The following HECTD4 variants were observed in gnomAD, a reference collection of about 807,000 sequenced individuals.
HECTD4 encodes probable E3 ubiquitin-protein ligase HECTD4.
Under a neutral mutation model 471.5 loss-of-function variants are expected in HECTD4, and 114 were observed. The ratio of observed to expected loss-of-function variants is 0.24; its 90% confidence interval spans 0.21 to 0.28. The LOEUF (loss-of-function observed/expected upper bound fraction) is 0.28. HECTD4 is among the 10% of genes least tolerant of loss of function. The pLI, the probability that HECTD4 is intolerant of heterozygous loss-of-function variation, is 1.00. For missense variants in HECTD4, 3,866 were observed against 5,651.5 expected (o/e 0.68, Z 10.13); for synonymous variants, 2,012 against 2,256.0 (o/e 0.89, Z 3.07).
chr12:112,243,397 C>G lies in HECTD4; in HGVS notation c.4914G>C (p.Thr1638=). Residue 1638 remains threonine (T), a synonymous_variant, in exon 32 of 76, where the codon ACG becomes ACC. Transcript: ENST00000682272. The surrounding 1 kb of genome is among the most constrained non-coding windows in gnomAD (Gnocchi z 6.6). ...LTAAVRVGGV[T]HLVGPVTMVL... ...CCATCGTCACTGGACCCACAAGATGCGTCACTCCCCCGACTCGTACGGCAG... is the reference window on the plus strand; with the variant it reads ...CCATCGTCACTGGACCCACAAGATGGGTCACTCCCCCGACTCGTACGGCAG... 1 of 1,612,526 alleles carries G rather than the reference C, an allele frequency of 6.2e-7. No individual in the cohort carries two copies. Among genetic ancestry groups the G allele is most frequent in the Admixed American group, 1.7e-5 (1 of 59,824 alleles).
Position 112,239,852 on chromosome 12 carries a change from C to T in HECTD4, c.5105+29G>A. 6.3e-7 allele frequency: 1 copy of T among 1,587,564 alleles called. No homozygotes were observed. The highest frequency in any genetic ancestry group is 1.7e-5 in the Admixed American group (1 of 57,950). On this transcript the variant is annotated intron_variant, in intron 33 of 75. Transcript: ENST00000682272. The surrounding 1 kb of genome is among the most constrained non-coding windows in gnomAD (Gnocchi z 4.9). ...ATCGACTATACTGCAGGGTAACTTA[C>T]ATACAACAAAAGGCCTTTCCGTACT...
At chr12:112,287,563 GGC>G (rs2034778924) in intron 7 of HECTD4, among the ~76,000 whole-genome samples, 3 of 151,986 alleles carry the variant, frequency 2.0e-5, no homozygotes, top group Admixed American at 2.0e-4. Flanking sequence ...AGCACATGGG[GGC>G]AGAAGACCTC....
rs541462340 is a variant in HECTD4, at chr12:112,355,324, G to A, written c.177+26628C>T. On this transcript the variant is annotated intron_variant, in intron 1 of 75. Transcript: ENST00000682272. ...AAAAAAAAAATTGTGGGCCAGGCAC[G>A]GTGGCCGACACCTGTAATCCCAGCT... is the stretch of plus-strand genomic sequence containing the variant. Among the ~76,000 whole-genome samples the A allele has an allele frequency of 4.0e-5, 6 of 148,814 alleles. No homozygotes were observed. In the South Asian group the frequency reaches 8.6e-4, roughly 21 times the overall value.
At position 112,381,044 on chromosome 12, in the gene HECTD4, C is replaced by G. The variant is rs2036877375; in HGVS notation, c.177+908G>C. Reference sequence around the variant, plus strand: ...CTACCTACACATCAAAATGTCATCCCACAAAGTGGAAGGGGAGCAGTGTCA... The same window carrying G: ...CTACCTACACATCAAAATGTCATCCGACAAAGTGGAAGGGGAGCAGTGTCA... On this transcript the variant is annotated intron_variant, in intron 1 of 75. Coordinates refer to ENST00000682272, the MANE Select transcript of HECTD4 (RefSeq NM_001388303.1). The surrounding 1 kb of genome is among the most constrained non-coding windows in gnomAD (Gnocchi z 4.1). Among the ~76,000 whole-genome samples, 1 of 152,102 alleles carries G rather than the reference C, an allele frequency of 6.6e-6. No homozygotes were observed. The highest frequency in any genetic ancestry group is 6.6e-5 in the Admixed American group (1 of 15,254).
Position 112,319,098 on chromosome 12 carries a change from A to G in HECTD4, c.695+127T>C. Reference sequence around the variant, plus strand: ...CACTGTCAAGGCTGTGAAATTCAATACTGAAAGCAAAGAAGGACTTCTGAA... The same window carrying G: ...CACTGTCAAGGCTGTGAAATTCAATGCTGAAAGCAAAGAAGGACTTCTGAA... On this transcript the variant is annotated intron_variant, in intron 2 of 75. Transcript: ENST00000682272. The surrounding 1 kb of genome is among the most constrained non-coding windows in gnomAD (Gnocchi z 5.3). 9.8e-7 allele frequency: 1 copy of G among 1,018,374 alleles called. No homozygotes were observed. The highest frequency in any genetic ancestry group is 1.7e-5 in the South Asian group (1 of 58,942). 63.1% of individuals were successfully genotyped at this position (1,018,374 alleles called of 1,614,324 possible).
intron 1 of HECTD4, among the ~76,000 whole-genome samples, chr12:112,367,107 G>T (rs75797634): frequency 1.3e-5 from 2 of 151,020 alleles, no homozygotes; most frequent in African/African-American, 2.4e-5. Flanking sequence ...TACGAGACCC[G>T]TCTGGCCAAC....
chr12:112,354,448 A>G (rs1173693927), intron 1 of HECTD4, among the ~76,000 whole-genome samples: 5 of 152,156 alleles, frequency 3.3e-5, no homozygotes, highest in African/African-American at 1.2e-4. Flanking sequence ...GTTATTCATA[A>G]TGCTTCTATT....
rs190357538 is a variant in HECTD4, at chr12:112,280,951, C to A, written c.1529-1565G>T. ...GACTACAGGAGCCCACCATCACACC[C>A]GGCTAATTTTTGTATTTTCAGTAGA... On this transcript the variant is annotated intron_variant, in intron 8 of 75. Coordinates refer to ENST00000682272, the MANE Select transcript of HECTD4 (RefSeq NM_001388303.1). Among the ~76,000 whole-genome samples the A allele has an allele frequency of 3.3e-5, 5 of 151,834 alleles. No individual in the cohort carries two copies. In the South Asian group the frequency reaches 1.0e-3, roughly 32 times the overall value.
rs2031280021 is a variant in HECTD4, at chr12:112,172,777, G to A, written c.11679C>T (p.Ile3893=). The A allele has an allele frequency of 6.2e-7, 1 of 1,613,888 alleles. No individual in the cohort carries two copies. Among genetic ancestry groups the A allele is most frequent in the African/African-American group, 1.3e-5 (1 of 74,914 alleles). ...LEMDVALVQY[I]NQLCRHLAIT... ...TGGCGAGGTGGCGGCATAGCTGGTTGATGTACTGCACAAGTGCCACGTCCA... is the reference window on the plus strand; with the variant it reads ...TGGCGAGGTGGCGGCATAGCTGGTTAATGTACTGCACAAGTGCCACGTCCA... Residue 3893 remains isoleucine (I), a synonymous_variant, in exon 67 of 76, where the codon ATC becomes ATT. Coordinates refer to ENST00000682272, the MANE Select transcript of HECTD4 (RefSeq NM_001388303.1).
chr12:112,213,540 G>A lies in HECTD4; in HGVS notation c.7466-890C>T, dbSNP rs532890245. 1.3e-4 allele frequency among the ~76,000 whole-genome samples: 20 copies of A among 151,344 alleles called. No individual in the cohort carries two copies. The South Asian group carries it at 1.7e-3, about 13-fold the overall frequency. The stretch of plus-strand genomic sequence containing the variant: ...TCTCTACTAAAAATACAAAAATTTC[G>A]CCGGGCTAGGTGGCAGGCACCTGTA... On this transcript the variant is annotated intron_variant, in intron 48 of 75. Coordinates refer to ENST00000682272, the MANE Select transcript of HECTD4 (RefSeq NM_001388303.1). The surrounding 1 kb of genome is among the most constrained non-coding windows in gnomAD (Gnocchi z 4.0).
At chr12:112,246,185 G>T (rs1375570326) in intron 29 of HECTD4, among the ~76,000 whole-genome samples, 1 of 141,958 alleles carries the variant, frequency 7.0e-6, no homozygotes, top group Non-Finnish European at 1.5e-5. Context: ...ATGTGACCTA[G>T]AAAAAGTTAA....
At chr12:112,167,793 C>T (rs1470406791) in intron 71 of HECTD4, 21 bp downstream of exon 71, 1 of 1,600,362 alleles carries the variant, frequency 6.2e-7, no homozygotes, top group Non-Finnish European at 8.6e-7. Flanking sequence ...GGCGTGGAGC[C>T]TCCTCCCGGC....
chr12:112,277,757 C>T (rs1301847087), intron 9 of HECTD4, among the ~76,000 whole-genome samples: 1 of 152,186 alleles, frequency 6.6e-6, no homozygotes, highest in Non-Finnish European at 1.5e-5. Context: ...CAATATTCAA[C>T]TATATTTACA....
At chr12:112,258,924 C>T in intron 19 of HECTD4, 188 bp downstream of exon 19, 1 of 614,386 alleles carries the variant, frequency 1.6e-6, no homozygotes, top group Non-Finnish European at 2.7e-6. Flanking sequence ...GTAATTTAGT[C>T]AAACAAATAA....
chr12:112,195,659 T>C (rs934187669), intron 55 of HECTD4, among the ~76,000 whole-genome samples: 3 of 152,112 alleles, frequency 2.0e-5, no homozygotes, highest in Middle Eastern at 3.2e-3. Flanking sequence ...GTGATGAAAA[T>C]GTTCTAAAAT....
intron 60 of HECTD4, among the ~76,000 whole-genome samples, chr12:112,189,486 A>AG (rs57330916): frequency 1 from 147,139 of 147,142 alleles, 73,568 homozygotes; most frequent in Non-Finnish European, 1. Flanking sequence ...CGGGAGGCGG[A>AG]CTTGCAGTGA....
rs2035266699 is a variant in HECTD4, at chr12:112,306,148, G to A, written c.1251C>T (p.Tyr417=). The change falls in exon 7 of 76, where the codon TAC becomes TAT. Residue 417 remains tyrosine, a synonymous_variant. Transcript: ENST00000682272. ...STVHLSSDGT[Y]FYWIWSPASL... ...TGGCAGGAGACCAGATCCAATAGAA[G>A]TAAGTGCCATCTGAAGACAGGTGCA... 1 of 1,613,058 alleles carries A rather than the reference G, an allele frequency of 6.2e-7. No individual in the cohort carries two copies. The highest frequency in any genetic ancestry group is 1.7e-5 in the Admixed American group (1 of 59,710).
intron 1 of HECTD4, among the ~76,000 whole-genome samples, chr12:112,335,580 C>T (rs780799498): frequency 3.9e-5 from 6 of 151,974 alleles, no homozygotes; most frequent in African/African-American, 7.3e-5. Flanking sequence ...CCCAGCTACT[C>T]GAGAGGCTGA....
intron 13 of HECTD4, 89 bp downstream of exon 13, chr12:112,269,615 A>G (rs2034371860): frequency 7.0e-7 from 1 of 1,419,016 alleles, no homozygotes; most frequent in African/African-American, 1.4e-5. Context: ...GGTAAGAGGC[A>G]TTTATACTAC....
Sources: gnomAD v4.1 joint callset for allele counts (sites outside exome capture counted in the v4.1 genomes callset) on GRCh38, gnomAD v4.1.1 for gene constraint, Gnocchi (gnomAD v3.1) non-coding constraint, MANE v1.5 for transcripts, NCBI Gene and HGNC (gene_info 2026-07-23, HGNC 2026-07-21) for gene names.